Variants in TBC1D22B observed in about 807,000 individuals in gnomAD.
TBC1D22B encodes chromosome 6 open reading frame 197.
A neutral mutation model predicts 69.1 loss-of-function variants in TBC1D22B; 32 were observed. The ratio of observed to expected loss-of-function variants is 0.46; its 90% CI spans 0.35 to 0.62. The LOEUF (loss-of-function observed/expected upper bound fraction) is 0.62, where lower values mean the gene tolerates loss of function less well. Ranked by LOEUF, TBC1D22B falls within the 20% of genes least tolerant of loss-of-function variation. The probability of loss-of-function intolerance (pLI) is 0.00; values close to 1 mark genes in which losing one functional copy is unlikely to be tolerated. For missense variants in TBC1D22B, 462 were observed against 630.9 expected (o/e 0.73, Z 2.87); for synonymous variants, 206 against 229.8 (o/e 0.90, Z 0.94).
At chr6:37,282,094 G>A (rs1481034378) in intron 3 of TBC1D22B, 91 bp from the exon 4 acceptor site, 4 of 1,452,680 alleles carry the variant, frequency 2.8e-6, no homozygotes, top group Non-Finnish European at 3.9e-6. Flanking sequence ...CCCTTGGGGA[G>A]GAAACACAAT....
chr6:37,286,986 G>A, intron 6 of TBC1D22B, 21 bp from the exon 7 acceptor site: 1 of 1,585,788 alleles, frequency 6.3e-7, no homozygotes, highest in Non-Finnish European at 8.5e-7. Flanking sequence ...TGTGTTTTTG[G>A]ACATGCCTTC....
At position 37,262,021 on chromosome 6, in the gene TBC1D22B, A is replaced by AG. The variant is rs1396221430; in HGVS notation, c.56+4048_56+4049insG. On this transcript the variant is annotated intron_variant, in intron 1 of 12. Coordinates refer to ENST00000373491, the MANE Select transcript of TBC1D22B (RefSeq NM_017772.4). ...TCTAGAGCTCGGGCACAGGAGAAAAAAAAAATCACCTTTTTTTTTTTTTTT... is the reference window on the plus strand; with the variant it reads ...TCTAGAGCTCGGGCACAGGAGAAAAAGAAAAATCACCTTTTTTTTTTTTTTT... 8.6e-4 allele frequency among the ~76,000 whole-genome samples: 113 copies of AG among 132,144 alleles called. 7 individuals carry two copies. Among genetic ancestry groups the AG allele is most frequent in the African/African-American group, 2.8e-3 (101 of 35,706 alleles). The allele number at this position is 132,144 out of a possible 152,430, so 86.7% of individuals were successfully genotyped here.
chr6:37,320,879 C>G (rs1354618294), intron 12 of TBC1D22B, among the ~76,000 whole-genome samples: 1 of 152,184 alleles, frequency 6.6e-6, no homozygotes, highest in Non-Finnish European at 1.5e-5. Context: ...GCTTGAAATG[C>G]GAGCTGCCAG....
At chr6:37,277,329 G>A (rs1029493615) in intron 2 of TBC1D22B, among the ~76,000 whole-genome samples, 2 of 152,156 alleles carry the variant, frequency 1.3e-5, no homozygotes, top group Admixed American at 1.3e-4. Flanking sequence ...TCTCGACAGC[G>A]AATCCCCTGA....
chr6:37,307,826 G>A (rs1287503865), intron 8 of TBC1D22B, among the ~76,000 whole-genome samples: 1 of 152,216 alleles, frequency 6.6e-6, no homozygotes, highest in African/African-American at 2.4e-5. Context: ...TGGCCCACCA[G>A]ATCACATCTA....
intron 12 of TBC1D22B, among the ~76,000 whole-genome samples, chr6:37,320,213 G>C (rs964051627): frequency 8.5e-5 from 13 of 152,208 alleles, no homozygotes; most frequent in Non-Finnish European, 1.6e-4. Context: ...GTCAAGGTTA[G>C]GGACTGTGCA....
chr6:37,297,348 T>C (rs1767417445), intron 8 of TBC1D22B, among the ~76,000 whole-genome samples: 1 of 152,222 alleles, frequency 6.6e-6, no homozygotes, highest in African/African-American at 2.4e-5. Flanking sequence ...GTAGCCCTTG[T>C]TTTTCTGGCC....
At chr6:37,278,713 T>C (rs1045356756) in intron 2 of TBC1D22B, among the ~76,000 whole-genome samples, 1 of 152,170 alleles carries the variant, frequency 6.6e-6, no homozygotes, top group African/African-American at 2.4e-5. Flanking sequence ...GAGGATCACT[T>C]GAACCCAGGA....
At chr6:37,287,164 TA>T in intron 7 of TBC1D22B, 92 bp downstream of exon 7, 1 of 886,890 alleles carries the variant, frequency 1.1e-6, no homozygotes, top group Non-Finnish European at 1.7e-6. Context: ...AATAGTACCT[TA>T]TGTTCATATA....
rs199827949 is a variant in TBC1D22B, at chr6:37,331,172, G to A, written c.1518G>A (p.Ter506=). Residue 506 remains the stop codon, a stop_retained_variant, in exon 13 of 13, where the codon TAG becomes TAA. Transcript: ENST00000373491. ...ATGCCCCAAATCACTACCGCCGATA[G>A]GTGCTGTCTCCTCCGGGGACCCAGA... The part of the protein sequence containing the change: ...FADAPNHYRR[*] 2 of 1,614,062 alleles carry A rather than the reference G, an allele frequency of 1.2e-6. No homozygotes were observed. Among genetic ancestry groups the A allele is most frequent in the Admixed American group, 3.3e-5 (2 of 60,016 alleles).
At chr6:37,297,591 C>A (rs1767422984) in intron 8 of TBC1D22B, among the ~76,000 whole-genome samples, 1 of 152,150 alleles carries the variant, frequency 6.6e-6, no homozygotes, top group Non-Finnish European at 1.5e-5. Context: ...AACTTCAATC[C>A]TTGTCCTTGG....
intron 12 of TBC1D22B, among the ~76,000 whole-genome samples, chr6:37,329,552 A>G (rs1768523294): frequency 6.6e-6 from 1 of 152,206 alleles, no homozygotes; most frequent in Admixed American, 6.5e-5. Flanking sequence ...ATTTTGATAG[A>G]TATGGTATGT....
intron 1 of TBC1D22B, among the ~76,000 whole-genome samples, chr6:37,264,338 G>GTTTC (rs1245175026): frequency 6.6e-6 from 1 of 152,152 alleles, no homozygotes; most frequent in Non-Finnish European, 1.5e-5. Context: ...TTGACACGGG[G>GTTTC]TTTCACTCTT....
rs373704207 is a variant in TBC1D22B, at chr6:37,286,979, G to A, written c.802-28G>A. ...AAAACAAAAAAAAACTGGCATTTGT[G>A]TTTTTGGACATGCCTTCTCTTTTTC... On this transcript the variant is annotated intron_variant, in intron 6 of 12. Transcript: ENST00000373491. 8.2e-6 allele frequency: 13 copies of A among 1,583,630 alleles called. No homozygotes were observed. In the Admixed American group the frequency reaches 1.5e-4, roughly 18 times the overall value.
chr6:37,294,054 G>A (rs1767277926), intron 8 of TBC1D22B, among the ~76,000 whole-genome samples: 1 of 152,214 alleles, frequency 6.6e-6, no homozygotes, highest in Non-Finnish European at 1.5e-5. Context: ...GCATGGTGAA[G>A]CGACAAGTGC....
chr6:37,307,728 G>C (rs1304873903), intron 8 of TBC1D22B, among the ~76,000 whole-genome samples: 1 of 152,134 alleles, frequency 6.6e-6, no homozygotes, highest in African/African-American at 2.4e-5. Context: ...ACCCGAATCA[G>C]GTAAACCAGA....
chr6:37,321,982 T>C (rs1230736284), intron 12 of TBC1D22B, among the ~76,000 whole-genome samples: 2 of 152,198 alleles, frequency 1.3e-5, no homozygotes, highest in Non-Finnish European at 2.9e-5. Context: ...GGAAAGTAAA[T>C]GGTGGAGACA....
Position 37,332,378 on chromosome 6 carries a change from C to T in TBC1D22B, c.*1206C>T, listed in dbSNP as rs553585607. ...CCTCTCTATGTGTTTTTATCCCCAC[C>T]TTCCCCGGAATCTGGGGAGGGCTTT... On this transcript the variant is annotated 3_prime_UTR_variant, in exon 13 of 13. Coordinates refer to ENST00000373491, the MANE Select transcript of TBC1D22B (RefSeq NM_017772.4). 12 of 152,780 alleles carry T rather than the reference C, an allele frequency of 7.9e-5. No individual in the cohort carries two copies. Among genetic ancestry groups the T allele is most frequent in the African/African-American group, 2.9e-4 (12 of 41,568 alleles). 9.5% of individuals were successfully genotyped at this position (152,780 alleles called of 1,614,324 possible). A position where few individuals can be genotyped will look rare whatever the true frequency, so the allele number is the denominator to read the frequency against.
At chr6:37,289,726 G>A (rs1767118566) in intron 7 of TBC1D22B, among the ~76,000 whole-genome samples, 1 of 152,216 alleles carries the variant, frequency 6.6e-6, no homozygotes, top group Non-Finnish European at 1.5e-5. Context: ...GAAAGAGAGT[G>A]AGGCAGGGAA....
Sources: allele counts gnomAD v4.1 joint callset (sites outside exome capture counted in the v4.1 genomes callset), GRCh38; gene constraint gnomAD v4.1.1; transcripts MANE v1.5; gene names NCBI Gene and HGNC (gene_info 2026-07-23, HGNC 2026-07-21).